KAZN: variants seen among roughly 807,000 people sequenced by gnomAD.
The protein encoded by KAZN is kazrin.
KAZN carries 40 observed loss-of-function variants against 87.4 expected under a neutral mutation model. The observed-to-expected ratio is 0.46, with a 90% confidence interval of 0.36 to 0.60. The LOEUF is 0.60. KAZN is among the 20% of genes least tolerant of loss of function. The probability of loss-of-function intolerance (pLI) is 0.00; values close to 1 mark genes in which losing one functional copy is unlikely to be tolerated. For missense variants in KAZN, 898 were observed against 1,073.9 expected, an observed-to-expected ratio of 0.84 and a Z score of 2.29; for synonymous variants, 466 against 458.3, an observed-to-expected ratio of 1.02 and a Z score of -0.22.
intron 2 of KAZN, among the ~76,000 whole-genome samples, chr1:14,381,168 C>T (rs1416855092): frequency 6.6e-6 from 1 of 152,048 alleles, no homozygotes; most frequent in African/African-American, 2.4e-5. Flanking sequence ...AAGAAGCTGA[C>T]TATATAATGA....
At chr1:14,738,647 G>A (rs184806977) in intron 1 of KAZN, among the ~76,000 whole-genome samples, 177 of 152,204 alleles carry the variant, frequency 1.2e-3, no homozygotes, top group African/African-American at 4.2e-3. Context: ...GTCCAGGCAG[G>A]TAATGTTTAG....
intron 2 of KAZN, among the ~76,000 whole-genome samples, chr1:14,492,308 C>T (rs756212527): frequency 5.3e-5 from 8 of 152,046 alleles, no homozygotes; most frequent in Admixed American, 1.3e-4. Context: ...AGTTGGTCGC[C>T]ACCATGAATT....
chr1:14,810,690 C>T (rs1411023721), intron 1 of KAZN, among the ~76,000 whole-genome samples: 15 of 152,134 alleles, frequency 9.9e-5, no homozygotes, highest in Non-Finnish European at 1.9e-4. Context: ...TCAGGCCTGC[C>T]GGATTCCAGG....
At chr1:14,651,899 G>A (rs1053310583) in intron 1 of KAZN, among the ~76,000 whole-genome samples, 3 of 152,204 alleles carry the variant, frequency 2.0e-5, no homozygotes, top group Non-Finnish European at 2.9e-5. Context: ...CAGGTAGTTC[G>A]AATGATACCC....
intron 1 of KAZN, among the ~76,000 whole-genome samples, chr1:14,806,416 G>A (rs1404876530): frequency 6.6e-6 from 1 of 152,100 alleles, no homozygotes; most frequent in East Asian, 1.9e-4. Context: ...CAGCTTCCTG[G>A]CAAGATGCTG....
intron 1 of KAZN, among the ~76,000 whole-genome samples, chr1:14,824,606 T>TA (rs983286376): frequency 6.6e-6 from 1 of 152,042 alleles, no homozygotes; most frequent in African/African-American, 2.4e-5. Flanking sequence ...GAGGGTTAAG[T>TA]AAAAAAAGAT....
intron 2 of KAZN, among the ~76,000 whole-genome samples, chr1:14,540,448 C>T (rs1672742263): frequency 6.6e-6 from 1 of 152,106 alleles, no homozygotes. Context: ...CAAATGCCTT[C>T]GTAGCCAGGG....
intron 2 of KAZN, among the ~76,000 whole-genome samples, chr1:14,244,187 C>T (rs1649278418): frequency 6.6e-6 from 1 of 152,186 alleles, no homozygotes. Flanking sequence ...TACTCTCTGC[C>T]TTGGGACACC....
chr1:14,825,812 T>G (rs1188747951), intron 1 of KAZN, among the ~76,000 whole-genome samples: 6 of 152,210 alleles, frequency 3.9e-5, no homozygotes, highest in African/African-American at 1.4e-4. Context: ...TCTGTCCATG[T>G]GTCCACTGCA....
chr1:14,058,033 T>C (rs937322193), intron 1 of KAZN, among the ~76,000 whole-genome samples: 6 of 152,214 alleles, frequency 3.9e-5, no homozygotes, highest in African/African-American at 1.4e-4. Context: ...AAAGTTGTTA[T>C]CCTTCTTGAA....
chr1:13,899,734 C>T (rs1351334713), intron 1 of KAZN, among the ~76,000 whole-genome samples: 1 of 151,136 alleles, frequency 6.6e-6, no homozygotes, highest in African/African-American at 2.4e-5. Context: ...ACCTCCGCCT[C>T]CTGGGTTCAA....
At chr1:14,082,895 A>G (rs1643733871) in intron 1 of KAZN, among the ~76,000 whole-genome samples, 1 of 152,136 alleles carries the variant, frequency 6.6e-6, no homozygotes. Flanking sequence ...CAAGAAATAT[A>G]ATTAGAATCA....
At chr1:13,903,383 C>G (rs1639318838) in intron 1 of KAZN, among the ~76,000 whole-genome samples, 1 of 152,290 alleles carries the variant, frequency 6.6e-6, no homozygotes, top group Middle Eastern at 3.4e-3. Flanking sequence ...TTTTTGTCGG[C>G]CCTTTATATC....
chr1:14,369,665 A>AG (rs149613480), intron 2 of KAZN, among the ~76,000 whole-genome samples: 6,858 of 152,276 alleles, frequency 0.045, 325 homozygotes, highest in Admixed American at 0.14. Flanking sequence ...ACATCTCTCG[A>AG]GGAAGGTATT....
At chr1:15,032,544 C>A (rs191554302) in intron 2 of KAZN, among the ~76,000 whole-genome samples, 2,096 of 152,130 alleles carry the variant, frequency 0.014, 19 homozygotes, top group Non-Finnish European at 0.022. Flanking sequence ...TAGTGGCTGG[C>A]CTTTTCCCTT....
chr1:14,439,974 C>A (rs1666607440), intron 2 of KAZN, among the ~76,000 whole-genome samples: 1 of 152,184 alleles, frequency 6.6e-6, no homozygotes, highest in Non-Finnish European at 1.5e-5. Context: ...CCACCCCCAT[C>A]TACTCCCAAC....
At position 14,033,900 on chromosome 1, in the gene KAZN, A is replaced by G. The variant is rs192414676; in HGVS notation, c.91+140144A>G. Among the ~76,000 whole-genome samples the G allele has an allele frequency of 1.4e-3, 218 of 152,360 alleles. 1 individual carries two copies. Among genetic ancestry groups the G allele is most frequent in the Middle Eastern group, 6.8e-3 (2 of 294 alleles). On this transcript the variant is annotated intron_variant, in intron 1 of 16. Transcript: ENST00000636203. ...GTAAAGGGAAGGAAACCTGGGAAGC[A>G]GCATTTAATTCTGTGTTAATCCAGT...
At chr1:14,544,995 C>G (rs1571902031) in intron 2 of KAZN, among the ~76,000 whole-genome samples, 1 of 152,188 alleles carries the variant, frequency 6.6e-6, no homozygotes, top group South Asian at 2.1e-4. Flanking sequence ...CCATCTCCCA[C>G]ACTCGGGTGT....
intron 1 of KAZN, among the ~76,000 whole-genome samples, chr1:13,922,135 C>A (rs1264640538): frequency 2.0e-5 from 3 of 152,142 alleles, no homozygotes; most frequent in Admixed American, 2.0e-4. Flanking sequence ...CCCTTAGGTG[C>A]CTGGGCCCTG....
Sources: gnomAD v4.1 joint callset for allele counts (sites outside exome capture counted in the v4.1 genomes callset) on GRCh38, gnomAD v4.1.1 for gene constraint, MANE v1.5 for transcripts, NCBI Gene and HGNC (gene_info 2026-07-23, HGNC 2026-07-21) for gene names.